ASIC2: variants seen among roughly 807,000 people sequenced by gnomAD.
ASIC2 encodes the protein acid sensing ion channel subunit 2, also known as acid-sensing ion channel 2.
Under a neutral mutation model 57.3 loss-of-function variants are expected in ASIC2, and 25 were observed. The observed-to-expected ratio is 0.44, with a 90% CI of 0.32 to 0.61. ASIC2 has a LOEUF of 0.61. ASIC2 is among the 20% of genes least tolerant of loss of function. The pLI is 0.06. For missense variants in ASIC2, 641 were observed against 738.1 expected, an observed-to-expected ratio of 0.87 and a Z score of 1.52; for synonymous variants, 319 against 307.5, an observed-to-expected ratio of 1.04 and a Z score of -0.39.
intron 1 of ASIC2, among the ~76,000 whole-genome samples, chr17:33,649,051 T>G (rs928734299): frequency 6.6e-6 from 1 of 152,134 alleles, no homozygotes; most frequent in African/African-American, 2.4e-5. Flanking sequence ...TTCTGTAAGT[T>G]CTAGCCAGTG....
At chr17:33,264,377 A>G (rs1025881282) in intron 1 of ASIC2, among the ~76,000 whole-genome samples, 1 of 152,364 alleles carries the variant, frequency 6.6e-6, no homozygotes, top group East Asian at 1.9e-4. Context: ...GAATCCTTAC[A>G]ATAATCTTGT....
At chr17:33,516,991 T>C (rs1471939124) in intron 1 of ASIC2, among the ~76,000 whole-genome samples, 1 of 152,260 alleles carries the variant, frequency 6.6e-6, no homozygotes, top group Non-Finnish European at 1.5e-5. Flanking sequence ...GGACATCTTA[T>C]CCCTTCTTTT....
chr17:33,607,396 A>T (rs146796095), intron 1 of ASIC2, among the ~76,000 whole-genome samples: 739 of 152,214 alleles, frequency 4.9e-3, no homozygotes, highest in Middle Eastern at 0.014. Context: ...ACTACTCTGG[A>T]TGCAACCCCA....
At chr17:33,039,367 C>G (rs1226337657) in intron 3 of ASIC2, among the ~76,000 whole-genome samples, 1 of 152,150 alleles carries the variant, frequency 6.6e-6, no homozygotes, top group Non-Finnish European at 1.5e-5. Context: ...CCTCACTGAC[C>G]CGTGTGTCTG....
At chr17:33,320,502 G>A (rs1055726572) in intron 1 of ASIC2, among the ~76,000 whole-genome samples, 142 of 152,306 alleles carry the variant, frequency 9.3e-4, no homozygotes, top group African/African-American at 3.3e-3. Context: ...CCGAAGTCAG[G>A]GAGCCAGTTG....
chr17:33,685,361 A>G (rs1465027931), intron 1 of ASIC2, among the ~76,000 whole-genome samples: 1 of 152,128 alleles, frequency 6.6e-6, no homozygotes, highest in African/African-American at 2.4e-5. Context: ...TCACTGCTGC[A>G]TGTGTGGCCC....
At chr17:33,416,199 A>T (rs1299008989) in intron 1 of ASIC2, among the ~76,000 whole-genome samples, 2 of 152,194 alleles carry the variant, frequency 1.3e-5, no homozygotes, top group Non-Finnish European at 2.9e-5. Context: ...CAATTCACAC[A>T]CCCATTTTAT....
intron 1 of ASIC2, among the ~76,000 whole-genome samples, chr17:34,019,438 G>T (rs925094429): frequency 6.6e-6 from 1 of 152,118 alleles, no homozygotes; most frequent in Non-Finnish European, 1.5e-5. Flanking sequence ...AAACTTCAGT[G>T]TTGTCTTATT....
chr17:33,717,314 A>G (rs1181362311), intron 1 of ASIC2, among the ~76,000 whole-genome samples: 1 of 152,244 alleles, frequency 6.6e-6, no homozygotes, highest in Non-Finnish European at 1.5e-5. Flanking sequence ...CCCGCTCAAA[A>G]TATAGGTAGA....
intron 1 of ASIC2, among the ~76,000 whole-genome samples, chr17:33,219,983 AG>A (rs1047038843): frequency 1.3e-5 from 2 of 152,206 alleles, no homozygotes; most frequent in African/African-American, 4.8e-5. Flanking sequence ...TTAAGTCTCC[AG>A]GGGAAATATT....
intron 1 of ASIC2, among the ~76,000 whole-genome samples, chr17:33,872,743 G>C (rs1914450742): frequency 6.6e-6 from 1 of 152,148 alleles, no homozygotes; most frequent in Non-Finnish European, 1.5e-5. Flanking sequence ...TGCTGATAAG[G>C]AGGAGACGAG....
At chr17:33,631,841 C>G (rs1260742802) in intron 1 of ASIC2, among the ~76,000 whole-genome samples, 1 of 152,108 alleles carries the variant, frequency 6.6e-6, no homozygotes, top group African/African-American at 2.4e-5. Context: ...CTGAGGGGGA[C>G]TTGATCACCA....
chr17:33,036,361 C>A (rs1443815298), intron 3 of ASIC2, among the ~76,000 whole-genome samples: 1 of 152,046 alleles, frequency 6.6e-6, no homozygotes, highest in Non-Finnish European at 1.5e-5. Flanking sequence ...GCCACAATGC[C>A]CCATAGGTCA....
At chr17:33,898,036 T>G (rs1915139512) in intron 1 of ASIC2, among the ~76,000 whole-genome samples, 1 of 152,110 alleles carries the variant, frequency 6.6e-6, no homozygotes, top group African/African-American at 2.4e-5. Context: ...TATATTTCCC[T>G]TGCAACTATA....
chr17:33,290,475 C>G (rs1190180461), intron 1 of ASIC2, among the ~76,000 whole-genome samples: 1 of 152,236 alleles, frequency 6.6e-6, no homozygotes, highest in Non-Finnish European at 1.5e-5. Flanking sequence ...CAGAACTCCT[C>G]CAAGGCAGAC....
chr17:34,092,913 T>A (rs945058443), intron 1 of ASIC2, among the ~76,000 whole-genome samples: 5 of 152,212 alleles, frequency 3.3e-5, no homozygotes, highest in Non-Finnish European at 5.9e-5. Flanking sequence ...TATCGAATTG[T>A]TTTGCATGTT....
chr17:33,807,146 A>G (rs1232971270), intron 1 of ASIC2, among the ~76,000 whole-genome samples: 2 of 152,182 alleles, frequency 1.3e-5, no homozygotes, highest in African/African-American at 2.4e-5. Context: ...TCTCCCCTAC[A>G]GGACACCAGG....
At position 33,465,665 on chromosome 17, in the gene ASIC2, C is replaced by A. The variant is rs28639522; in HGVS notation, c.556-353598G>T. 2.0e-5 allele frequency among the ~76,000 whole-genome samples: 3 copies of A among 152,134 alleles called. No homozygotes were observed. The South Asian group carries it at 6.2e-4, about 32-fold the overall frequency. The stretch of plus-strand genomic sequence containing the variant: ...TTGGGATTACAGACATGAGCCACCA[C>A]GCCTGGCCTGAGTGTGGGCTTTGAT... On this transcript the variant is annotated intron_variant, in intron 1 of 9. Coordinates refer to the ASIC2 transcript ENST00000359872.
chr17:33,109,034 A>C (rs1158345840), intron 2 of ASIC2, among the ~76,000 whole-genome samples: 2 of 152,192 alleles, frequency 1.3e-5, no homozygotes, highest in African/African-American at 4.8e-5. Context: ...AAACTGTATT[A>C]AAAATTCAAT....
Sources: allele counts gnomAD v4.1 joint callset (sites outside exome capture counted in the v4.1 genomes callset), GRCh38; gene constraint gnomAD v4.1.1; transcripts MANE v1.5; gene names NCBI Gene and HGNC (gene_info 2026-07-23, HGNC 2026-07-21).